The following DCLK2 variants were observed in gnomAD, a reference collection of about 807,000 sequenced individuals.
The protein encoded by DCLK2 is serine/threonine-protein kinase DCLK2.
Under a neutral mutation model 78.4 loss-of-function variants are expected in DCLK2, and 31 were observed. That is an observed-to-expected ratio of 0.40 (90% CI 0.30 to 0.53). The LOEUF (loss-of-function observed/expected upper bound fraction) is 0.53. DCLK2 is among the 20% of genes least tolerant of loss of function. The pLI is 0.61. For missense variants in DCLK2, 872 were observed against 973.7 expected, an observed-to-expected ratio of 0.90 and a Z score of 1.39; for synonymous variants, 407 against 374.9, an observed-to-expected ratio of 1.09 and a Z score of -0.99.
intron 1 of DCLK2, among the ~76,000 whole-genome samples, chr4:150,090,148 G>A (rs1162794626): frequency 1.7e-5 from 2 of 118,598 alleles, no homozygotes; most frequent in Non-Finnish European, 2.0e-5. Flanking sequence ...GCTCATGCCT[G>A]TAATCCCAGC....
chr4:150,191,634 C>G (rs1738461776), intron 2 of DCLK2, among the ~76,000 whole-genome samples: 1 of 152,180 alleles, frequency 6.6e-6, no homozygotes, highest in Non-Finnish European at 1.5e-5. Flanking sequence ...GCCCTGGACA[C>G]TGTAGCTAGA....
intron 2 of DCLK2, among the ~76,000 whole-genome samples, chr4:150,121,882 A>G (rs1732570937): frequency 6.6e-6 from 1 of 152,254 alleles, no homozygotes; most frequent in Non-Finnish European, 1.5e-5. Context: ...GAGCTCTTAG[A>G]TAACCAGGTG....
chr4:150,185,754 C>G (rs1166928453), intron 2 of DCLK2, among the ~76,000 whole-genome samples: 1 of 151,940 alleles, frequency 6.6e-6, no homozygotes, highest in Non-Finnish European at 1.5e-5. Flanking sequence ...GACCTCAAGC[C>G]TCTTTCACAC....
chr4:150,253,794 G>A, intron 15 of DCLK2: 1 of 985,472 alleles, frequency 1.0e-6, no homozygotes, highest in Non-Finnish European at 1.2e-6. Flanking sequence ...GAGAGCACGG[G>A]AGGAGTCCCA....
chr4:150,193,231 G>A lies in DCLK2; in HGVS notation c.850G>A (p.Asp284Asn). ...TTATGCCCAAGATGACTTTGTCCTG[G>A]ATCATAGTGGTAAGGCAATTCTTCA... ...FRYAQDDFVL[D>N]HSECRVLKSS... The change falls in exon 3 of 16, where the codon GAT (aspartate) becomes AAT (asparagine). Residue 284 changes from aspartate to asparagine, a missense_variant. Physicochemically the swap from Asp to Asn is conservative, Grantham distance 23. Transcript: ENST00000296550. 1 of 1,599,912 alleles carries A rather than the reference G, an allele frequency of 6.3e-7. No individual in the cohort carries two copies. The highest frequency in any genetic ancestry group is 8.6e-7 in the Non-Finnish European group (1 of 1,169,052).
chr4:150,175,915 G>A (rs1219688646), intron 2 of DCLK2, among the ~76,000 whole-genome samples: 3 of 151,718 alleles, frequency 2.0e-5, no homozygotes, highest in African/African-American at 7.3e-5. Flanking sequence ...CCATAATAGA[G>A]CTCCTGCACT....
chr4:150,083,328 A>G (rs548434072), intron 1 of DCLK2, among the ~76,000 whole-genome samples: 1 of 152,318 alleles, frequency 6.6e-6, no homozygotes, highest in East Asian at 1.9e-4. Flanking sequence ...ATCCCTTCAT[A>G]AACAATAAGC....
At chr4:150,101,116 A>T (rs938913883) in intron 1 of DCLK2, among the ~76,000 whole-genome samples, 3 of 152,136 alleles carry the variant, frequency 2.0e-5, no homozygotes. Flanking sequence ...TTAGCCAGGC[A>T]TAGTGGCATG....
chr4:150,080,313 A>G (rs1729161218), intron 1 of DCLK2, among the ~76,000 whole-genome samples: 1 of 152,212 alleles, frequency 6.6e-6, no homozygotes. Flanking sequence ...TGCTGTGTCA[A>G]CCATGCCTCG....
At position 150,089,768 on chromosome 4, in the gene DCLK2, G is replaced by A. The variant is rs767371143; in HGVS notation, c.421+10320G>A. Among the ~76,000 whole-genome samples the A allele has an allele frequency of 2.0e-5, 3 of 152,186 alleles. No individual in the cohort carries two copies. In the South Asian group the frequency reaches 6.2e-4, roughly 31 times the overall value. ...ACAAAAGTGCATTACCAGTAAAAAT[G>A]CAAAATAGCAATATAAAGCTAGAGA... On this transcript the variant is annotated intron_variant, in intron 1 of 15. Transcript: ENST00000296550.
chr4:150,231,765 TAAAG>T (rs1742088603), intron 8 of DCLK2, among the ~76,000 whole-genome samples: 3 of 152,334 alleles, frequency 2.0e-5, no homozygotes, highest in Non-Finnish European at 2.9e-5. Context: ...TACAAGATGT[TAAAG>T]AACATCCATC....
chr4:150,109,335 C>CTT (rs199549302), intron 2 of DCLK2, among the ~76,000 whole-genome samples: 50 of 143,710 alleles, frequency 3.5e-4, no homozygotes, highest in Non-Finnish European at 4.4e-4. Flanking sequence ...ATGCATTTCC[C>CTT]TTTTTTTTTT....
chr4:150,140,800 A>G (rs556696265), intron 2 of DCLK2, among the ~76,000 whole-genome samples: 1 of 152,334 alleles, frequency 6.6e-6, no homozygotes, highest in East Asian at 1.9e-4. Flanking sequence ...GAGAATAACG[A>G]TGCAATGATT....
chr4:150,121,737 C>G (rs1732558586), intron 2 of DCLK2, among the ~76,000 whole-genome samples: 1 of 152,172 alleles, frequency 6.6e-6, no homozygotes, highest in Non-Finnish European at 1.5e-5. Context: ...ATCGCTACGG[C>G]AAGTATAGCC....
At chr4:150,137,065 T>A (rs965380733) in intron 2 of DCLK2, among the ~76,000 whole-genome samples, 2 of 140,706 alleles carry the variant, frequency 1.4e-5, no homozygotes, top group Admixed American at 1.6e-4. Flanking sequence ...CACTGCAGCC[T>A]TGAGCTCCTG....
chr4:150,137,436 T>A lies in DCLK2; in HGVS notation c.756+34624T>A, dbSNP rs947148169. On this transcript the variant is annotated intron_variant, in intron 2 of 15. Coordinates refer to ENST00000296550, the MANE Select transcript of DCLK2 (RefSeq NM_001040260.4). ...GTTAAAATGAGACAAATGGTCAAAC[T>A]CTTGAGACAAGGGTTGATGAAATCC... 2.0e-5 allele frequency among the ~76,000 whole-genome samples: 3 copies of A among 152,142 alleles called. No individual in the cohort carries two copies. The South Asian group carries it at 6.2e-4, about 32-fold the overall frequency.
At chr4:150,086,013 T>C (rs1197073407) in intron 1 of DCLK2, among the ~76,000 whole-genome samples, 1 of 152,210 alleles carries the variant, frequency 6.6e-6, no homozygotes, top group African/African-American at 2.4e-5. Flanking sequence ...TGATCAGATG[T>C]AGTTACCCAG....
chr4:150,123,628 G>A (rs923680686), intron 2 of DCLK2, among the ~76,000 whole-genome samples: 1 of 152,182 alleles, frequency 6.6e-6, no homozygotes, highest in African/African-American at 2.4e-5. Flanking sequence ...GCCTCATACA[G>A]GGTTGCCACG....
chr4:150,218,865 A>C (rs1056535177), intron 5 of DCLK2, among the ~76,000 whole-genome samples: 1 of 152,194 alleles, frequency 6.6e-6, no homozygotes, highest in Non-Finnish European at 1.5e-5. Flanking sequence ...CTTCTGAGAT[A>C]CAACTTTCCA....
Sources: allele counts gnomAD v4.1 joint callset (sites outside exome capture counted in the v4.1 genomes callset), GRCh38; gene constraint gnomAD v4.1.1; transcripts MANE v1.5; gene names NCBI Gene and HGNC (gene_info 2026-07-23, HGNC 2026-07-21).